PTPRR: variants seen among roughly 807,000 people sequenced by gnomAD.
PTPRR encodes the protein protein tyrosine phosphatase receptor type R, also known as receptor-type tyrosine-protein phosphatase R.
Under a neutral mutation model 77.2 loss-of-function variants are expected in PTPRR, and 38 were observed. That is an observed-to-expected ratio of 0.49 (90% confidence interval 0.38 to 0.65). PTPRR has a LOEUF of 0.65. Ranked by LOEUF, PTPRR falls within the 30% of genes least tolerant of loss-of-function variation. PTPRR has a pLI of 0.00. For missense variants in PTPRR, 744 were observed against 799.2 expected (o/e 0.93, Z 0.83); for synonymous variants, 299 against 283.1 (o/e 1.06, Z -0.57).
intron 2 of PTPRR, among the ~76,000 whole-genome samples, chr12:70,864,904 C>T (rs942744889): frequency 1.3e-5 from 2 of 152,094 alleles, no homozygotes; most frequent in South Asian, 2.1e-4. Flanking sequence ...CTCCACTTCC[C>T]GGGTTCAAGT....
chr12:70,761,341 A>T (rs972860595), intron 4 of PTPRR, 130 bp downstream of exon 4: 13 of 831,920 alleles, frequency 1.6e-5, no homozygotes, highest in Admixed American at 2.8e-5. Context: ...GAATTCTGAC[A>T]CTCAGGGAAA....
intron 6 of PTPRR, 107 bp downstream of exon 6, chr12:70,745,711 A>G (rs1890190122): frequency 7.6e-7 from 1 of 1,314,452 alleles, no homozygotes; most frequent in Non-Finnish European, 1.0e-6. Context: ...TTTAGTGGTG[A>G]ACAATTCTAC....
chr12:70,769,748 C>G (rs201854041), intron 2 of PTPRR, among the ~76,000 whole-genome samples: 2,468 of 151,464 alleles, frequency 0.016, 47 homozygotes, highest in East Asian at 0.087. Context: ...CATGCTACCT[C>G]ACTTCAAACT....
intron 2 of PTPRR, among the ~76,000 whole-genome samples, chr12:70,876,873 T>C (rs2137098732): frequency 6.6e-6 from 1 of 152,188 alleles, no homozygotes; most frequent in East Asian, 1.9e-4. Flanking sequence ...TAGAAGTAGG[T>C]GATAAGAGGT....
At chr12:70,915,138 G>A (rs1312226289) in intron 1 of PTPRR, among the ~76,000 whole-genome samples, 2 of 152,152 alleles carry the variant, frequency 1.3e-5, no homozygotes, top group Non-Finnish European at 2.9e-5. Context: ...AGTAATGACT[G>A]TCTGTGGAAG....
intron 1 of PTPRR, among the ~76,000 whole-genome samples, chr12:70,896,804 G>A (rs1893436242): frequency 6.6e-6 from 1 of 151,770 alleles, no homozygotes; most frequent in African/African-American, 2.4e-5. Flanking sequence ...TGTAAGGAAG[G>A]GATCCAGTTT....
At chr12:70,867,687 T>C (rs1892880157) in intron 2 of PTPRR, among the ~76,000 whole-genome samples, 1 of 152,060 alleles carries the variant, frequency 6.6e-6, no homozygotes, top group Admixed American at 6.6e-5. Flanking sequence ...AAAAAACTAC[T>C]TTAAACTTCA....
At position 70,907,181 on chromosome 12, in the gene PTPRR, C is replaced by T. The variant is rs557590984; in HGVS notation, c.58+13152G>A. Among the ~76,000 whole-genome samples the T allele has an allele frequency of 3.3e-5, 5 of 152,172 alleles. No homozygotes were observed. The South Asian group carries it at 1.0e-3, about 32-fold the overall frequency. ...TCCACATATTTGAACAGTGATGTGTCCAATACATCTATAATAAAAATAAAG... is the reference window on the plus strand; with the variant it reads ...TCCACATATTTGAACAGTGATGTGTTCAATACATCTATAATAAAAATAAAG... On this transcript the variant is annotated intron_variant, in intron 1 of 13. Coordinates refer to ENST00000283228, the MANE Select transcript of PTPRR (RefSeq NM_002849.4).
intron 2 of PTPRR, among the ~76,000 whole-genome samples, chr12:70,769,334 A>C (rs370119567): frequency 2.6e-5 from 4 of 151,042 alleles, no homozygotes; most frequent in African/African-American, 4.9e-5. Flanking sequence ...AAATCAATGT[A>C]CAAAAATCAC....
intron 2 of PTPRR, among the ~76,000 whole-genome samples, chr12:70,831,780 A>G (rs1202488345): frequency 6.6e-6 from 1 of 152,164 alleles, no homozygotes; most frequent in Non-Finnish European, 1.5e-5. Flanking sequence ...AGTCATATTT[A>G]TAGCCTCTGA....
intron 2 of PTPRR, among the ~76,000 whole-genome samples, chr12:70,813,720 C>T (rs187289852): frequency 6.6e-6 from 1 of 152,142 alleles, no homozygotes; most frequent in Non-Finnish European, 1.5e-5. Flanking sequence ...TGAAGAGAGG[C>T]CACACATCTC....
chr12:70,680,273 C>T (rs1887605588), intron 10 of PTPRR, among the ~76,000 whole-genome samples: 2 of 152,072 alleles, frequency 1.3e-5, no homozygotes, highest in Non-Finnish European at 2.9e-5. Flanking sequence ...GATTCTTCTG[C>T]TTCTTTGATG....
chr12:70,691,416 C>T (rs764905102), intron 8 of PTPRR, among the ~76,000 whole-genome samples: 26 of 152,116 alleles, frequency 1.7e-4, no homozygotes, highest in Non-Finnish European at 3.7e-4. Flanking sequence ...TAATCTGCCC[C>T]TTTTCATGTT....
intron 6 of PTPRR, among the ~76,000 whole-genome samples, chr12:70,709,243 A>G (rs1324956638): frequency 2.0e-5 from 3 of 152,120 alleles, no homozygotes; most frequent in Non-Finnish European, 2.9e-5. Flanking sequence ...CTCAATAGAT[A>G]CAGAAAAGAA....
intron 10 of PTPRR, 138 bp from the exon 11 acceptor site, chr12:70,662,743 T>C (rs1441750987): frequency 1.7e-5 from 9 of 534,900 alleles, no homozygotes; most frequent in Non-Finnish European, 2.9e-5. Flanking sequence ...TTTGTAAATA[T>C]ACTAAAACCA....
rs1887596984 is a variant in PTPRR, at chr12:70,679,999, G to A, written c.1497+4128C>T. 2.0e-5 allele frequency among the ~76,000 whole-genome samples: 3 copies of A among 152,042 alleles called. No individual in the cohort carries two copies. The South Asian group carries it at 6.3e-4, about 32-fold the overall frequency. ...TATTGTTTCCCTTTGTGACTTGGTGGTTTTCCATAGTGATAAGCTTTGATT... is the reference window on the plus strand; with the variant it reads ...TATTGTTTCCCTTTGTGACTTGGTGATTTTCCATAGTGATAAGCTTTGATT... On this transcript the variant is annotated intron_variant, in intron 10 of 13. Coordinates refer to ENST00000283228, the MANE Select transcript of PTPRR (RefSeq NM_002849.4).
At chr12:70,742,948 G>T (rs1018137973) in intron 6 of PTPRR, among the ~76,000 whole-genome samples, 1 of 152,200 alleles carries the variant, frequency 6.6e-6, no homozygotes, top group Non-Finnish European at 1.5e-5. Flanking sequence ...TCTGAATGTT[G>T]TAAGTTGGTA....
intron 2 of PTPRR, among the ~76,000 whole-genome samples, chr12:70,862,050 C>T (rs190264156): frequency 6.6e-6 from 1 of 152,190 alleles, no homozygotes; most frequent in African/African-American, 2.4e-5. Flanking sequence ...CACCAAAGCA[C>T]AGCCAGTTTA....
chr12:70,700,845 C>T (rs1888394990), intron 7 of PTPRR, among the ~76,000 whole-genome samples: 1 of 152,160 alleles, frequency 6.6e-6, no homozygotes, highest in African/African-American at 2.4e-5. Context: ...TTTAATTCCC[C>T]AGACAGTGAC....
Sources: gnomAD v4.1 joint callset for allele counts (sites outside exome capture counted in the v4.1 genomes callset) on GRCh38, gnomAD v4.1.1 for gene constraint, MANE v1.5 for transcripts, NCBI Gene and HGNC (gene_info 2026-07-23, HGNC 2026-07-21) for gene names.